ZMYM2: variants seen among roughly 807,000 people sequenced by gnomAD.
ZMYM2 encodes the protein zinc finger MYM-type containing 2.
In ZMYM2, 56 loss-of-function variants were observed where a neutral mutation model predicts 162.8. The ratio of observed to expected loss-of-function variants is 0.34; its 90% CI spans 0.28 to 0.43. ZMYM2 has a LOEUF of 0.43. ZMYM2 is among the 20% of genes least tolerant of loss of function. The probability of loss-of-function intolerance (pLI) is 1.00; values close to 1 mark genes in which losing one functional copy is unlikely to be tolerated. For synonymous variants in ZMYM2, 510 were observed against 541.6 expected, an observed-to-expected ratio of 0.94 and a Z score of 0.81; for missense variants, 1,275 against 1,621.8, an observed-to-expected ratio of 0.79 and a Z score of 3.67.
At chr13:20,076,047 T>A (rs4769939) in intron 21 of ZMYM2, among the ~76,000 whole-genome samples, 105,392 of 144,898 alleles carry the variant, frequency 0.73, 42,395 homozygotes, top group Non-Finnish European at 0.86. Flanking sequence ...GATGTGTATA[T>A]TTCTGTTTTT....
Position 20,059,323 on chromosome 13 carries a change from T to G in ZMYM2, c.2624-124T>G, listed in dbSNP as rs1294253588. 1.4e-4 allele frequency: 125 copies of G among 892,718 alleles called. 2 individuals carry two copies. The highest frequency in any genetic ancestry group is 1.8e-4 in the Non-Finnish European group (118 of 670,572). 55.3% of individuals were successfully genotyped at this position (892,718 alleles called of 1,614,324 possible). A position where few individuals can be genotyped will look rare whatever the true frequency, so the allele number is the denominator to read the frequency against. ...TTTAAGTTACCTAACTTAAAAAAAC[T>G]GGGAATTAAAAAAAAAAAGGTACTG... On this transcript the variant is annotated intron_variant, in intron 15 of 24. Transcript: ENST00000610343.
chr13:20,016,556 A>G (rs1312896519), intron 6 of ZMYM2, among the ~76,000 whole-genome samples: 1 of 151,956 alleles, frequency 6.6e-6, no homozygotes, highest in African/African-American at 2.4e-5. Context: ...AACTCCCTCC[A>G]CCTTTTATCT....
At chr13:19,874,828 CTCA>C in the ZMYM2 span, among the ~76,000 whole-genome samples, 1 of 152,098 alleles carries the variant, frequency 6.6e-6, no homozygotes, top group African/African-American at 2.4e-5. Flanking sequence ...TGAAAAAATA[CTCA>C]TCATCACTAA....
chr13:19,949,084 T>C, the ZMYM2 span, among the ~76,000 whole-genome samples: 1 of 140,248 alleles, frequency 7.1e-6, no homozygotes, highest in East Asian at 2.1e-4. Context: ...CTGGGTAACA[T>C]GGCAAAACCT....
At chr13:20,078,497 A>G (rs1007991667) in intron 21 of ZMYM2, among the ~76,000 whole-genome samples, 13 of 152,238 alleles carry the variant, frequency 8.5e-5, no homozygotes, top group Non-Finnish European at 1.6e-4. Context: ...CTGAACAAAC[A>G]TGCCAATAGT....
chr13:19,934,103 C>T, the ZMYM2 span, among the ~76,000 whole-genome samples: 1 of 152,120 alleles, frequency 6.6e-6, no homozygotes, highest in East Asian at 1.9e-4. Context: ...ATTTAAATGT[C>T]ATACATTTTA....
chr13:19,937,728 G>A, the ZMYM2 span, among the ~76,000 whole-genome samples: 9 of 151,396 alleles, frequency 5.9e-5, no homozygotes, highest in East Asian at 3.9e-4. Flanking sequence ...ATGTTGGTGT[G>A]CTGCACCCAT....
At chr13:20,026,037 AATGTGGTTTAAATTT>A (rs1322230240) in intron 7 of ZMYM2, 2 of 152,180 alleles carry the variant, frequency 1.3e-5, no homozygotes, top group East Asian at 3.9e-4. Context: ...AGTCATTTTG[AATGTGGTTTAAATTT>A]TTTTAATTCA....
At chr13:20,054,167 T>C (rs1022823406) in intron 14 of ZMYM2, among the ~76,000 whole-genome samples, 1 of 152,224 alleles carries the variant, frequency 6.6e-6, no homozygotes. Flanking sequence ...CCCATAAACT[T>C]CAAAGGATAG....
At chr13:20,055,537 T>A (rs1176238637) in intron 14 of ZMYM2, among the ~76,000 whole-genome samples, 1 of 152,220 alleles carries the variant, frequency 6.6e-6, no homozygotes, top group African/African-American at 2.4e-5. Flanking sequence ...GTTGAAGTGC[T>A]GTCTAGTGTC....
chr13:19,891,923 A>G, the ZMYM2 span, among the ~76,000 whole-genome samples: 3 of 151,884 alleles, frequency 2.0e-5, no homozygotes, highest in Non-Finnish European at 4.4e-5. Context: ...CTCATATCCT[A>G]TTGAATCACT....
chr13:19,996,493 A>G (rs1488506253), intron 3 of ZMYM2, among the ~76,000 whole-genome samples: 2 of 152,112 alleles, frequency 1.3e-5, no homozygotes, highest in African/African-American at 2.4e-5. Context: ...TTGGGAGGTC[A>G]AGGTGGACGG....
Position 19,971,254 on chromosome 13 carries a change from A to G in ZMYM2, c.-11+11228A>G, listed in dbSNP as rs1490322371. Reference sequence around the variant, plus strand: ...TGTGTGTGTGTGTGTGTATATATATATATATATATTTTTTTTTTTTTTTTT... The same window carrying G: ...TGTGTGTGTGTGTGTGTATATATATGTATATATATTTTTTTTTTTTTTTTT... On this transcript the variant is annotated intron_variant, in intron 2 of 24. Coordinates refer to ENST00000610343, the MANE Select transcript of ZMYM2 (RefSeq NM_197968.4). Among the ~76,000 whole-genome samples, 8 of 106,368 alleles carry G rather than the reference A, an allele frequency of 7.5e-5. 1 individual carries two copies. The highest frequency in any genetic ancestry group is 3.1e-4 in the South Asian group (1 of 3,210). 69.8% of individuals were successfully genotyped at this position (106,368 alleles called of 152,430 possible).
In ZMYM2 at chr13:20,082,858, C is replaced by T. The variant is rs777554481; in HGVS notation, c.3646C>T (p.Leu1216=). 5.6e-6 allele frequency: 9 copies of T among 1,613,868 alleles called. No homozygotes were observed. In the South Asian group the frequency reaches 9.9e-5, roughly 18 times the overall value. The change falls in exon 23 of 25, where the codon CTG becomes TTG. Residue 1216 remains leucine (L), a synonymous_variant. Transcript: ENST00000610343. ...QLGSHSPVAL[L]NTLFYFNTKY... ...AGGATCACACTCTCCAGTAGCTCTTCTGAATACACTGTTCTACTTTAACAC... is the reference window on the plus strand; with the variant it reads ...AGGATCACACTCTCCAGTAGCTCTTTTGAATACACTGTTCTACTTTAACAC...
the ZMYM2 span, among the ~76,000 whole-genome samples, chr13:19,903,713 T>C: frequency 6.6e-6 from 1 of 151,236 alleles, no homozygotes; most frequent in African/African-American, 2.4e-5. Flanking sequence ...CCAGGCATGA[T>C]GGCTTGCTCC....
At chr13:19,871,084 T>A in the ZMYM2 span, among the ~76,000 whole-genome samples, 1 of 151,566 alleles carries the variant, frequency 6.6e-6, no homozygotes, top group Non-Finnish European at 1.5e-5. Context: ...AGAAAAAAAA[T>A]AAGCAAAACA....
At chr13:20,031,567 G>T in intron 10 of ZMYM2, 132 bp downstream of exon 10, 1 of 606,484 alleles carries the variant, frequency 1.6e-6, no homozygotes, top group Non-Finnish European at 2.7e-6. Flanking sequence ...TTTTATGATT[G>T]GATTATTTAT....
At chr13:19,921,721 G>T in the ZMYM2 span, among the ~76,000 whole-genome samples, 1 of 151,786 alleles carries the variant, frequency 6.6e-6, no homozygotes, top group Non-Finnish European at 1.5e-5. Flanking sequence ...TTCAAATTTA[G>T]GTCTTTAACA....
At chr13:19,945,433 G>A in the ZMYM2 span, among the ~76,000 whole-genome samples, 1 of 151,952 alleles carries the variant, frequency 6.6e-6, no homozygotes, top group Non-Finnish European at 1.5e-5. Context: ...CCTATTTTTA[G>A]TAGAGACGGG....
Sources: allele counts gnomAD v4.1 joint callset (sites outside exome capture counted in the v4.1 genomes callset), GRCh38; gene constraint gnomAD v4.1.1; transcripts MANE v1.5; gene names NCBI Gene and HGNC (gene_info 2026-07-23, HGNC 2026-07-21).